Variants in RNF150 observed in about 807,000 individuals in gnomAD.
RNF150 encodes ring finger protein 150.
Under a neutral mutation model 39.3 loss-of-function variants are expected in RNF150, and 24 were observed. That is an observed-to-expected ratio of 0.61 (90% CI 0.44 to 0.86). The LOEUF (loss-of-function observed/expected upper bound fraction) is 0.86. Among genes scored for constraint, RNF150 ranks in the 40% least tolerant of loss-of-function variants. RNF150 has a pLI of 0.00. For missense variants in RNF150, 502 were observed against 587.8 expected, an observed-to-expected ratio of 0.85 and a Z score of 1.51; for synonymous variants, 255 against 227.3, an observed-to-expected ratio of 1.12 and a Z score of -1.10.
chr4:140,998,176 C>T (rs73858687), intron 1 of RNF150, among the ~76,000 whole-genome samples: 11,539 of 152,202 alleles, frequency 0.076, 497 homozygotes, highest in Middle Eastern at 0.16. Flanking sequence ...GCAGATTTTA[C>T]TGAGTGGCTG....
intron 1 of RNF150, among the ~76,000 whole-genome samples, chr4:141,050,535 T>C (rs1184852952): frequency 1.3e-5 from 2 of 152,178 alleles, no homozygotes; most frequent in South Asian, 4.1e-4. Context: ...ATTGCCTAAA[T>C]ACAGCTGTTG....
intron 1 of RNF150, among the ~76,000 whole-genome samples, chr4:141,003,562 CACGT>C: frequency 9.6e-6 from 1 of 103,836 alleles, no homozygotes; most frequent in Admixed American, 1.2e-4. Flanking sequence ...CAATCCCTAG[CACGT>C]ACACACACAC....
intron 6 of RNF150, among the ~76,000 whole-genome samples, chr4:140,906,987 G>T (rs1429869830): frequency 6.6e-6 from 1 of 152,166 alleles, no homozygotes; most frequent in East Asian, 1.9e-4. Context: ...GATGTGGAGT[G>T]GCACTCAGTG....
Position 140,968,595 on chromosome 4 carries a change from G to A in RNF150, c.485-722C>T, listed in dbSNP as rs111455174. Reference sequence around the variant, plus strand: ...AACCACAAGGCACATACCAAGCAAGGAGAAGATGGAAGCAGTACAGATAAT... The same window carrying A: ...AACCACAAGGCACATACCAAGCAAGAAGAAGATGGAAGCAGTACAGATAAT... On this transcript the variant is annotated intron_variant, in intron 1 of 6. Coordinates refer to ENST00000515673, the MANE Select transcript of RNF150 (RefSeq NM_020724.2). Among the ~76,000 whole-genome samples the A allele has an allele frequency of 2.8e-3, 423 of 151,844 alleles. 4 individuals are homozygous for A. Among genetic ancestry groups the A allele is most frequent in the African/African-American group, 9.9e-3 (410 of 41,450 alleles).
At chr4:140,907,491 A>C (rs1730430180) in intron 6 of RNF150, among the ~76,000 whole-genome samples, 1 of 152,070 alleles carries the variant, frequency 6.6e-6, no homozygotes, top group Non-Finnish European at 1.5e-5. Flanking sequence ...TCTGTTCTAC[A>C]TCTTTGCTTC....
intron 1 of RNF150, among the ~76,000 whole-genome samples, chr4:141,175,244 A>G (rs1727790101): frequency 3.9e-5 from 6 of 152,198 alleles, no homozygotes; most frequent in Admixed American, 3.9e-4. Context: ...TAATCTCTCC[A>G]TTCCTCACAG....
At chr4:140,968,695 A>C (rs753675854) in intron 1 of RNF150, among the ~76,000 whole-genome samples, 3 of 151,768 alleles carry the variant, frequency 2.0e-5, no homozygotes, top group Non-Finnish European at 4.4e-5. Context: ...TTGGAGCAAA[A>C]GTACCATTTT....
chr4:140,967,494 A>G lies in RNF150; in HGVS notation c.735+129T>C, dbSNP rs563796312. 223 of 667,460 alleles carry G rather than the reference A, an allele frequency of 3.3e-4. 1 individual carries two copies. In the South Asian group the frequency reaches 4.5e-3, roughly 13 times the overall value. 41.3% of individuals were successfully genotyped at this position (667,460 alleles called of 1,614,324 possible). A position where few individuals can be genotyped will look rare whatever the true frequency, so the allele number is the denominator to read the frequency against. ...GATAATATCTGAAAAATGATACAGCAAATGTTAACAGTGTTTATCTTGAGT... is the reference window on the plus strand; with the variant it reads ...GATAATATCTGAAAAATGATACAGCGAATGTTAACAGTGTTTATCTTGAGT... On this transcript the variant is annotated intron_variant, in intron 2 of 6. Transcript: ENST00000515673.
At position 140,975,798 on chromosome 4, in the gene RNF150, A is replaced by G. The variant is rs183937265; in HGVS notation, c.485-7925T>C. 1.9e-3 allele frequency among the ~76,000 whole-genome samples: 295 copies of G among 152,274 alleles called. 1 individual carries two copies. Among genetic ancestry groups the G allele is most frequent in the African/African-American group, 6.9e-3 (288 of 41,568 alleles). On this transcript the variant is annotated intron_variant, in intron 1 of 6. Transcript: ENST00000515673. Reference sequence around the variant, plus strand: ...CAAGAAACAACCAATGAGGCTTCCCATGAGGGCAGGCTCTCTGCAGTATTA... The same window carrying G: ...CAAGAAACAACCAATGAGGCTTCCCGTGAGGGCAGGCTCTCTGCAGTATTA...
intron 1 of RNF150, among the ~76,000 whole-genome samples, chr4:141,107,084 T>C (rs1415260366): frequency 6.6e-6 from 1 of 152,122 alleles, no homozygotes; most frequent in Non-Finnish European, 1.5e-5. Flanking sequence ...AAACACTTTA[T>C]CTTACATTCT....
intron 2 of RNF150, among the ~76,000 whole-genome samples, chr4:140,965,899 A>G (rs1327625308): frequency 6.6e-6 from 1 of 152,138 alleles, no homozygotes; most frequent in Non-Finnish European, 1.5e-5. Flanking sequence ...AGTAGATTTT[A>G]CCTGCTCTTG....
At chr4:140,964,805 G>T (rs992305487) in intron 2 of RNF150, among the ~76,000 whole-genome samples, 1 of 152,018 alleles carries the variant, frequency 6.6e-6, no homozygotes, top group Non-Finnish European at 1.5e-5. Context: ...ACAGCCGTGA[G>T]ACATTATAAT....
At chr4:141,184,776 C>T (rs1465436336) in intron 1 of RNF150, among the ~76,000 whole-genome samples, 4 of 151,958 alleles carry the variant, frequency 2.6e-5, no homozygotes, top group Non-Finnish European at 5.9e-5. Flanking sequence ...TTCCCCATTG[C>T]TTCTTTTTGT....
intron 1 of RNF150, among the ~76,000 whole-genome samples, chr4:141,191,162 T>C (rs1728104913): frequency 6.6e-6 from 1 of 152,210 alleles, no homozygotes; most frequent in African/African-American, 2.4e-5. Context: ...TGGGTTACTT[T>C]CTGGATGGTG....
intron 1 of RNF150, among the ~76,000 whole-genome samples, chr4:141,164,270 G>T (rs1727564156): frequency 6.6e-6 from 1 of 151,324 alleles, no homozygotes; most frequent in East Asian, 1.9e-4. Flanking sequence ...GAATGAAAAG[G>T]AACAAACAAA....
At chr4:140,961,774 G>T (rs1011138597) in intron 2 of RNF150, among the ~76,000 whole-genome samples, 2 of 152,000 alleles carry the variant, frequency 1.3e-5, no homozygotes, top group Non-Finnish European at 2.9e-5. Flanking sequence ...TTCAAGGAAA[G>T]TTAACAAACT....
intron 1 of RNF150, among the ~76,000 whole-genome samples, chr4:141,074,236 C>A (rs1417561013): frequency 6.6e-6 from 1 of 151,692 alleles, no homozygotes; most frequent in African/African-American, 2.4e-5. Context: ...CAATTCACAA[C>A]CACAATGATG....
chr4:141,194,675 A>G (rs1728169036), intron 1 of RNF150, among the ~76,000 whole-genome samples: 1 of 152,170 alleles, frequency 6.6e-6, no homozygotes, highest in South Asian at 2.1e-4. Flanking sequence ...CCATAACCTC[A>G]TATATAGAAG....
intron 1 of RNF150, among the ~76,000 whole-genome samples, chr4:141,036,526 G>A (rs1031199425): frequency 4.6e-5 from 7 of 152,080 alleles, no homozygotes; most frequent in South Asian, 4.1e-4. Flanking sequence ...CTCACGGAAC[G>A]ACTCCACATT....
Sources: gnomAD v4.1 joint callset for allele counts (sites outside exome capture counted in the v4.1 genomes callset) on GRCh38, gnomAD v4.1.1 for gene constraint, MANE v1.5 for transcripts, NCBI Gene and HGNC (gene_info 2026-07-23, HGNC 2026-07-21) for gene names.